ZNF208: variants seen among roughly 807,000 people sequenced by gnomAD.
The protein encoded by ZNF208 is zinc finger protein 95.
A neutral mutation model predicts 12.1 loss-of-function variants in ZNF208; 10 were observed. That is an observed-to-expected ratio of 0.83 (90% CI 0.51 to 1.40). ZNF208 has a LOEUF of 1.40. ZNF208 is among the 40% of genes most tolerant of loss of function. The pLI is 0.00. For missense variants in ZNF208, 1,652 were observed against 1,485.0 expected, an observed-to-expected ratio of 1.11 and a Z score of -1.85; for synonymous variants, 497 against 488.4, an observed-to-expected ratio of 1.02 and a Z score of -0.23.
In ZNF208 at chr19:21,978,403, G is replaced by A. The variant is rs190601632; in HGVS notation, c.227-3596C>T. Among the ~76,000 whole-genome samples the A allele has an allele frequency of 2.3e-3, 344 of 152,334 alleles. 2 individuals are homozygous for A. The highest frequency in any genetic ancestry group is 8.0e-3 in the African/African-American group (331 of 41,578). ...AGGCAGCAATCTTTGCTGTTCTGCA[G>A]CCTCCGCTGGTGATACCCAGGCAAA... On this transcript the variant is annotated intron_variant, in intron 3 of 3. Transcript: ENST00000397126.
intron 1 of ZNF208, among the ~76,000 whole-genome samples, chr19:22,000,822 G>C (rs1470593957): frequency 1.3e-5 from 2 of 151,966 alleles, no homozygotes; most frequent in South Asian, 2.1e-4. Flanking sequence ...GATTAATGAA[G>C]AAGATACAAA....
At chr19:21,942,297 A>T (rs182584202) in intron 4 of ZNF208, among the ~76,000 whole-genome samples, 2 of 152,298 alleles carry the variant, frequency 1.3e-5, no homozygotes, top group African/African-American at 2.4e-5. Flanking sequence ...TATATATAAG[A>T]TCAAAGATCT....
At chr19:22,009,520 A>T (rs1971104100) in intron 1 of ZNF208, 1 of 152,120 alleles carries the variant, frequency 6.6e-6, no homozygotes, top group Admixed American at 6.6e-5. Flanking sequence ...AGGCCGAAGC[A>T]GGTGAATCAC....
chr19:21,971,672 C>T lies in ZNF208; in HGVS notation c.3362G>A (p.Ser1121Asn). Reference protein sequence around the residue: ...KPYKCEECGKSFSTFSILTKH... With the variant: ...KPYKCEECGKNFSTFSILTKH... ...AGTAAGGATTGAGAACGTACTAAAG[C>T]TTTTGCCACATTCTTCACATTTGTA... is the stretch of plus-strand genomic sequence containing the variant. Residue 1121 changes from serine (S) to asparagine (N), a missense_variant, in exon 4 of 4, where the codon AGC becomes AAC. Coordinates refer to ENST00000397126, the MANE Select transcript of ZNF208 (RefSeq NM_007153.3). 2 of 1,608,834 alleles carry T rather than the reference C, an allele frequency of 1.2e-6. No individual in the cohort carries two copies. Among genetic ancestry groups the T allele is most frequent in the Non-Finnish European group, 1.7e-6 (2 of 1,178,418 alleles).
intron 4 of ZNF208, among the ~76,000 whole-genome samples, chr19:21,943,576 C>A (rs559587128): frequency 9.2e-5 from 14 of 152,158 alleles, no homozygotes; most frequent in Non-Finnish European, 1.9e-4. Context: ...TGATCCTCAA[C>A]TAAACATATG....
rs765124325 is a variant in ZNF208, at chr19:21,974,297, T to C, written c.737A>G (p.Lys246Arg). The C allele has an allele frequency of 1.2e-6, 2 of 1,613,240 alleles. No individual in the cohort carries two copies. The highest frequency in any genetic ancestry group is 2.2e-5 in the East Asian group (1 of 44,846). The change falls in exon 4 of 4, where the codon AAA becomes AGA. Residue 246 changes from lysine (K) to arginine (R), a missense_variant. Physicochemically the swap from Lys to Arg is conservative, Grantham distance 26. Transcript: ENST00000397126. Reference sequence around the variant, plus strand: ...CTCTCCAGTATGAATTACCTTATGTTTAGTAAGGATTGAGAACTTACTAAA... The same window carrying C: ...CTCTCCAGTATGAATTACCTTATGTCTAGTAAGGATTGAGAACTTACTAAA... ...KAFSKFSILTKHKVIHTGEKS... is the reference protein window; with the variant it reads ...KAFSKFSILTRHKVIHTGEKS...
intron 1 of ZNF208, among the ~76,000 whole-genome samples, chr19:21,992,931 TG>T (rs1970767434): frequency 6.6e-6 from 1 of 152,182 alleles, no homozygotes; most frequent in Non-Finnish European, 1.5e-5. Flanking sequence ...CATGTTTAGC[TG>T]AAAAAGAAAA....
chr19:21,974,345 C>A lies in ZNF208; in HGVS notation c.689G>T (p.Arg230Ile). 1 of 1,612,760 alleles carries A rather than the reference C, an allele frequency of 6.2e-7. No homozygotes were observed. The highest frequency in any genetic ancestry group is 8.5e-7 in the Non-Finnish European group (1 of 1,179,428). The stretch of plus-strand genomic sequence containing the variant: ...AAAGGCTTTGCCACATTCTTTACAT[C>A]TGTAGGGTTTCTCTCCAGTATGAGC... ...KSAHTGEKPYRCKECGKAFSK... is the reference protein window; with the variant it reads ...KSAHTGEKPYICKECGKAFSK... The change falls in exon 4 of 4, where the codon AGA (arginine) becomes ATA (isoleucine). Residue 230 changes from arginine (R) to isoleucine (I), a missense_variant. Transcript: ENST00000397126.
chr19:21,992,374 A>G (rs1970756341), intron 1 of ZNF208, among the ~76,000 whole-genome samples: 1 of 152,236 alleles, frequency 6.6e-6, no homozygotes, highest in South Asian at 2.1e-4. Flanking sequence ...TTTTATGGAA[A>G]GTTCAAGATA....
intron 1 of ZNF208, among the ~76,000 whole-genome samples, chr19:22,006,738 CAG>C (rs1971051580): frequency 6.6e-6 from 1 of 152,164 alleles, no homozygotes; most frequent in Non-Finnish European, 1.5e-5. Context: ...TTTACCATGT[CAG>C]AGTCATTCAC....
At chr19:21,981,527 T>C (rs6511308) in intron 3 of ZNF208, among the ~76,000 whole-genome samples, 92,756 of 152,006 alleles carry the variant, frequency 0.61, 28,871 homozygotes, top group African/African-American at 0.71. Context: ...GCTAAAAACT[T>C]GCAATAAACT....
In ZNF208 at chr19:21,973,339, G is replaced by T; in HGVS notation, c.1695C>A (p.Ser565=). ...TTTTCTTATGATAACTAAGGGTTGA[G>T]GACCACTTATAGGCTTTGCCACATT... The part of the protein sequence containing the change: ...CEECGKAYKW[S]STLSYHKKIH... The change falls in exon 4 of 4, where the codon TCC becomes TCA. Residue 565 remains serine, a synonymous_variant. Coordinates refer to ENST00000397126, the MANE Select transcript of ZNF208 (RefSeq NM_007153.3). 6.2e-7 allele frequency: 1 copy of T among 1,609,878 alleles called. No homozygotes were observed. Among genetic ancestry groups the T allele is most frequent in the Non-Finnish European group, 8.5e-7 (1 of 1,178,558 alleles).
chr19:21,951,159 AC>A (rs1486187320), intron 4 of ZNF208, among the ~76,000 whole-genome samples: 7 of 152,210 alleles, frequency 4.6e-5, no homozygotes, highest in Non-Finnish European at 1.0e-4. Context: ...GCCCTTGAGT[AC>A]TGTCAACCTG....
chr19:21,998,063 T>TAC (rs1297261030), intron 1 of ZNF208: 1 of 151,482 alleles, frequency 6.6e-6, no homozygotes, highest in Non-Finnish European at 1.5e-5. Context: ...AGTGCATAGC[T>TAC]ACTCTCAGCA....
intron 4 of ZNF208, among the ~76,000 whole-genome samples, chr19:21,948,199 C>A (rs1297711195): frequency 6.6e-6 from 1 of 152,178 alleles, no homozygotes; most frequent in African/African-American, 2.4e-5. Context: ...ACACTGGAAC[C>A]TCTTTAACCC....
intron 4 of ZNF208, among the ~76,000 whole-genome samples, chr19:21,949,701 T>C (rs1472220890): frequency 6.6e-6 from 1 of 152,180 alleles, no homozygotes; most frequent in African/African-American, 2.4e-5. Context: ...TTAATGACCC[T>C]GGGAGTTTTA....
chr19:21,982,846 C>T (rs1375519716), intron 3 of ZNF208, among the ~76,000 whole-genome samples: 5 of 152,086 alleles, frequency 3.3e-5, no homozygotes, highest in Non-Finnish European at 5.9e-5. Context: ...TTCCTTAAAC[C>T]TTATACAAAA....
chr19:21,974,984 A>T (rs1281630967), intron 3 of ZNF208, among the ~76,000 whole-genome samples, 177 bp from the exon 4 acceptor site: 3 of 152,170 alleles, frequency 2.0e-5, no homozygotes, highest in Non-Finnish European at 2.9e-5. Context: ...ACCGAAATAC[A>T]TATGTGGATA....
At chr19:21,986,575 A>G (rs1358064588) in intron 3 of ZNF208, among the ~76,000 whole-genome samples, 4 of 152,198 alleles carry the variant, frequency 2.6e-5, no homozygotes, top group African/African-American at 9.6e-5. Flanking sequence ...ATATTATCCA[A>G]AGTGATCTCT....
Sources: allele counts gnomAD v4.1 joint callset (sites outside exome capture counted in the v4.1 genomes callset), GRCh38; gene constraint gnomAD v4.1.1; transcripts MANE v1.5; gene names NCBI Gene and HGNC (gene_info 2026-07-23, HGNC 2026-07-21).